Variants in WDHD1 observed in about 807,000 individuals in gnomAD.
WDHD1 encodes WD repeat and HMG-box DNA binding protein 1, also known as WD repeat and HMG-box DNA-binding protein 1.
A neutral mutation model predicts 135.4 loss-of-function variants in WDHD1; 111 were observed. The observed-to-expected ratio is 0.82, with a 90% CI of 0.70 to 0.96. The LOEUF is 0.96. Ranked by LOEUF, WDHD1 falls within the 40% of genes least tolerant of loss-of-function variation. The pLI, the probability that WDHD1 is intolerant of heterozygous loss-of-function variation, is 0.00. For synonymous variants in WDHD1, 434 were observed against 439.0 expected (o/e 0.99, Z 0.14); for missense variants, 1,351 against 1,336.3 (o/e 1.01, Z -0.17).
chr14:54,943,967 A>G (rs527402019), intron 25 of WDHD1, among the ~76,000 whole-genome samples: 1 of 152,232 alleles, frequency 6.6e-6, no homozygotes, highest in African/African-American at 2.4e-5. Context: ...ACAAAACAAA[A>G]AACCCATCAC....
chr14:54,956,573 G>C (rs1231937743), intron 23 of WDHD1, among the ~76,000 whole-genome samples: 1 of 152,122 alleles, frequency 6.6e-6, no homozygotes, highest in Non-Finnish European at 1.5e-5. Context: ...AGGAGACAGA[G>C]GCTGCAGTGA....
intron 16 of WDHD1, among the ~76,000 whole-genome samples, chr14:54,977,164 T>G (rs963198042): frequency 6.6e-6 from 1 of 152,126 alleles, no homozygotes. Flanking sequence ...TTTTCTCATA[T>G]GTAAAAATTG....
chr14:55,009,564 C>A (rs766077709), intron 4 of WDHD1, among the ~76,000 whole-genome samples: 1 of 151,522 alleles, frequency 6.6e-6, no homozygotes, highest in Non-Finnish European at 1.5e-5. Flanking sequence ...CCCAAGTAGC[C>A]GGGATTATAG....
chr14:54,984,754 G>A lies in WDHD1; in HGVS notation c.1875C>T (p.Ser625=), dbSNP rs376509836. Residue 625 remains serine, a synonymous_variant, in exon 15 of 26, where the codon TCC becomes TCT. Transcript: ENST00000360586. ...CTGAAAACCCAATCCATGCAAGGTA[G>A]GATTTCCTTGTAAGAGGAAGAGGGT... The part of the protein sequence containing the change: ...HGDPLPLTRK[S]YLAWIGFSAE... 6.3e-5 allele frequency: 102 copies of A among 1,613,144 alleles called. 1 individual carries two copies. The highest frequency in any genetic ancestry group is 1.3e-5 in the Non-Finnish European group (15 of 1,179,774).
chr14:55,011,723 A>AT (rs958272448), intron 3 of WDHD1, among the ~76,000 whole-genome samples: 25 of 151,052 alleles, frequency 1.7e-4, no homozygotes, highest in African/African-American at 4.4e-4. Context: ...TCTGAATCTC[A>AT]TTTTTTTTAC....
intron 2 of WDHD1, among the ~76,000 whole-genome samples, chr14:55,015,557 T>C (rs1193976387): frequency 6.6e-6 from 1 of 152,084 alleles, no homozygotes; most frequent in African/African-American, 2.4e-5. Flanking sequence ...TGATGCAATG[T>C]GACTAACAAA....
intron 16 of WDHD1, among the ~76,000 whole-genome samples, chr14:54,974,488 GTTTTGTT>G (rs1230378630): frequency 1.0e-5 from 1 of 96,766 alleles, no homozygotes; most frequent in African/African-American, 4.2e-5. Context: ...AACCTGTTTT[GTTTTGTT>G]TTTTTTTTTT....
chr14:54,962,662 C>G (rs1348639428), intron 20 of WDHD1, 76 bp downstream of exon 20: 2 of 1,560,450 alleles, frequency 1.3e-6, no homozygotes, highest in Non-Finnish European at 8.8e-7. Flanking sequence ...TATTCAATTT[C>G]CCTCAGTTAA....
At chr14:54,969,264 G>T (rs1305014129) in intron 16 of WDHD1, among the ~76,000 whole-genome samples, 1 of 150,674 alleles carries the variant, frequency 6.6e-6, no homozygotes, top group African/African-American at 2.4e-5. Context: ...CTGACCTTGT[G>T]ATCCGCCCGC....
intron 2 of WDHD1, among the ~76,000 whole-genome samples, chr14:55,025,868 C>G (rs2042428894): frequency 6.6e-6 from 1 of 152,210 alleles, no homozygotes. Context: ...CCCACCGCCA[C>G]CACCACTCAT....
chr14:55,014,807 C>A (rs1256194849), intron 2 of WDHD1, among the ~76,000 whole-genome samples: 2 of 151,794 alleles, frequency 1.3e-5, no homozygotes, highest in South Asian at 2.1e-4. Flanking sequence ...CTGAGAAAGT[C>A]AAAAAGATTC....
At chr14:54,955,395 A>G (rs2041135873) in intron 24 of WDHD1, among the ~76,000 whole-genome samples, 166 bp downstream of exon 24, 1 of 152,236 alleles carries the variant, frequency 6.6e-6, no homozygotes, top group Admixed American at 6.5e-5. Flanking sequence ...TTATAAATAG[A>G]CATTAATATT....
At chr14:55,011,613 TAA>T (rs2042171903) in intron 3 of WDHD1, among the ~76,000 whole-genome samples, 1 of 150,712 alleles carries the variant, frequency 6.6e-6, no homozygotes, top group Non-Finnish European at 1.5e-5. Flanking sequence ...ATTTTGGGGT[TAA>T]GTCTTCTTAA....
chr14:55,009,702 G>C (rs1007819700), intron 4 of WDHD1, among the ~76,000 whole-genome samples: 1 of 152,034 alleles, frequency 6.6e-6, no homozygotes, highest in Non-Finnish European at 1.5e-5. Flanking sequence ...AAAGGGCTGG[G>C]ATTACAGGCA....
In WDHD1 at chr14:54,981,619, A is replaced by G; in HGVS notation, c.1984T>C (p.Cys662Arg). Residue 662 changes from cysteine to arginine, a missense_variant, in exon 16 of 26, where the codon TGT (cysteine) becomes CGT (arginine). Physicochemically the swap from Cys to Arg is radical, Grantham distance 180. Around this residue, in one of 2 missense-constraint regions of WDHD1, gnomAD observed 1,330 missense variants for 1,296.1 expected, o/e 1.03. Transcript: ENST00000360586. The part of the protein sequence containing the change: ...RGLGNTWTPI[C>R]NTREHCKGKS... Reference sequence around the variant, plus strand: ...CCTTTGCAGTGCTCTCTTGTATTACATATAGGAGTCCACGTATTACCAAGT... The same window carrying G: ...CCTTTGCAGTGCTCTCTTGTATTACGTATAGGAGTCCACGTATTACCAAGT... 1 of 1,613,042 alleles carries G rather than the reference A, an allele frequency of 6.2e-7. No homozygotes were observed. Among genetic ancestry groups the G allele is most frequent in the Non-Finnish European group, 8.5e-7 (1 of 1,179,264 alleles).
chr14:55,026,861 T>C (rs2042454716), intron 1 of WDHD1, 58 bp from the exon 2 acceptor site: 1 of 1,563,596 alleles, frequency 6.4e-7, no homozygotes, highest in Non-Finnish European at 8.8e-7. Context: ...GCAGCGAGGC[T>C]AGGGATAGGA....
intron 16 of WDHD1, 70 bp downstream of exon 16, chr14:54,981,470 G>A (rs1008299081): frequency 7.0e-7 from 1 of 1,424,622 alleles, no homozygotes; most frequent in Non-Finnish European, 9.7e-7. Flanking sequence ...TACACTTAAA[G>A]GGCCTCATAA....
At chr14:54,978,748 A>G (rs1039775585) in intron 16 of WDHD1, among the ~76,000 whole-genome samples, 8 of 152,168 alleles carry the variant, frequency 5.3e-5, no homozygotes, top group Admixed American at 3.3e-4. Context: ...CTCTGAGACT[A>G]TATGTCTTTT....
At chr14:54,968,514 G>C (rs1264064645) in intron 16 of WDHD1, among the ~76,000 whole-genome samples, 1 of 151,854 alleles carries the variant, frequency 6.6e-6, no homozygotes, top group Non-Finnish European at 1.5e-5. Flanking sequence ...TAAAATAACA[G>C]CAGAACTAAA....
Sources: gnomAD v4.1 joint callset for allele counts (sites outside exome capture counted in the v4.1 genomes callset) on GRCh38, gnomAD v4.1.1 for gene constraint, gnomAD v4.1.1 regional missense constraint, MANE v1.5 for transcripts, NCBI Gene and HGNC (gene_info 2026-07-23, HGNC 2026-07-21) for gene names.